The following AK6 variants were observed in gnomAD, a reference collection of about 807,000 sequenced individuals.
AK6 encodes adenylate kinase isoenzyme 6.
In AK6, 24 loss-of-function variants were observed where a neutral mutation model predicts 23.7. That is an observed-to-expected ratio of 1.01 (90% confidence interval 0.73 to 1.43). The LOEUF (loss-of-function observed/expected upper bound fraction) is 1.43, where lower values mean the gene tolerates loss of function less well. Ranked by LOEUF, AK6 falls within the 40% of genes most tolerant of loss-of-function variation. AK6 has a pLI of 0.00. For missense variants in AK6, 191 were observed against 199.1 expected (o/e 0.96, Z 0.24); for synonymous variants, 73 against 69.8 (o/e 1.05, Z -0.23).
intron 2 of AK6, chr5:69,364,691 GACA>G (rs1355100438): frequency 3.3e-5 from 19 of 571,614 alleles, no homozygotes; most frequent in Middle Eastern, 4.7e-4. Context: ...TCCTCTTGGT[GACA>G]ACAAGGAGAA....
Position 69,365,808 on chromosome 5 carries a change from T to C in AK6, c.121+695A>G, listed in dbSNP as rs1762396261. 2.3e-6 allele frequency: 3 copies of C among 1,301,634 alleles called. No homozygotes were observed. The Admixed American group carries it at 7.9e-5, about 34-fold the overall frequency. The allele number at this position is 1,301,634 out of a possible 1,614,324, so 80.6% of individuals were successfully genotyped here. ...ATTAGATCAATCTGAAATAGTTACT[T>C]TAGTAGCAACTGTCAGGAACTTAAA... On this transcript the variant is annotated intron_variant, in intron 2 of 4. Coordinates refer to ENST00000380822, the MANE Select transcript of AK6 (RefSeq NM_016283.5).
rs201119517 is a variant in AK6, at chr5:69,355,641, T to A, written c.326+8A>T. ...TGCTTTAAGAATCTAATGTTTTTCC[T>A]TTCTTACCTTGTTTCAAGTCTTTCG... is the stretch of plus-strand genomic sequence containing the variant. On this transcript the variant is annotated splice_region_variant and intron_variant, in intron 4 of 4. Transcript: ENST00000380822. 3.3e-5 allele frequency: 52 copies of A among 1,584,188 alleles called. No individual in the cohort carries two copies. In the East Asian group the frequency reaches 1.1e-3, roughly 35 times the overall value.
intron 2 of AK6, chr5:69,365,491 A>G: frequency 6.2e-7 from 1 of 1,614,144 alleles, no homozygotes. Context: ...GGAGAGGTAA[A>G]AGACTGATCA....
At chr5:69,358,152 T>TA (rs1486325766) in intron 2 of AK6, among the ~76,000 whole-genome samples, 1 of 152,178 alleles carries the variant, frequency 6.6e-6, no homozygotes, top group Non-Finnish European at 1.5e-5. Flanking sequence ...AGAATACCTA[T>TA]AGCTGATTCT....
In AK6 at chr5:69,369,226, A is replaced by ACCCCCCCC. The variant is rs200123392; in HGVS notation, c.28+229_28+236dup. 9.3e-3 allele frequency: 1,154 copies of ACCCCCCCC among 124,484 alleles called. 153 individuals are homozygous for ACCCCCCCC. The highest frequency in any genetic ancestry group is 0.023 in the South Asian group (141 of 6,234). 7.7% of individuals were successfully genotyped at this position (124,484 alleles called of 1,614,324 possible). On this transcript the variant is annotated intron_variant, in intron 1 of 4. Transcript: ENST00000380822. ...GAGCTGGATCTGCCGACCTCTCTCC[A>ACCCCCCCC]CCCCCCCCCGCCCCCCCCCGGAGCC...
intron 4 of AK6, among the ~76,000 whole-genome samples, chr5:69,352,956 T>C (rs978411669): frequency 1.3e-5 from 2 of 152,250 alleles, no homozygotes; most frequent in South Asian, 4.1e-4. Context: ...AGAATGTTTA[T>C]GGATACAATA....
chr5:69,356,421 G>A (rs1304026817), intron 2 of AK6, among the ~76,000 whole-genome samples: 1 of 151,710 alleles, frequency 6.6e-6, no homozygotes, highest in African/African-American at 2.4e-5. Flanking sequence ...ATACGAGGTA[G>A]GAGGATCTCT....
chr5:69,361,968 C>CTTT (rs1561217524), intron 2 of AK6, among the ~76,000 whole-genome samples: 2 of 144,384 alleles, frequency 1.4e-5, no homozygotes, highest in African/African-American at 5.1e-5. Flanking sequence ...AACTTGATTC[C>CTTT]CTTTTTTTTT....
At chr5:69,366,788 C>T (rs1413758944) in intron 1 of AK6, 193 bp from the exon 2 acceptor site, 2 of 566,930 alleles carry the variant, frequency 3.5e-6, no homozygotes, top group Non-Finnish European at 3.2e-6. Flanking sequence ...GACAGAGTTT[C>T]ACTCTTGTCG....
At chr5:69,365,238 G>C (rs941279213) in intron 2 of AK6, 1 of 1,614,180 alleles carries the variant, frequency 6.2e-7, no homozygotes. Context: ...CATGGTCTGT[G>C]GGGTTGGTGT....
intron 1 of AK6, among the ~76,000 whole-genome samples, chr5:69,368,082 C>A (rs914619461): frequency 6.6e-6 from 1 of 152,160 alleles, no homozygotes; most frequent in Non-Finnish European, 1.5e-5. Flanking sequence ...TGACCCCTTG[C>A]GCCCTTCCCT....
chr5:69,353,025 A>G (rs1761987817), intron 4 of AK6, among the ~76,000 whole-genome samples: 1 of 152,252 alleles, frequency 6.6e-6, no homozygotes, highest in African/African-American at 2.4e-5. Flanking sequence ...AATGTATTTT[A>G]AAAATGATAC....
chr5:69,357,404 C>T (rs762318101), intron 2 of AK6, among the ~76,000 whole-genome samples: 6 of 152,052 alleles, frequency 3.9e-5, no homozygotes, highest in African/African-American at 9.7e-5. Context: ...TACCACAAAC[C>T]CCAGATGGAG....
At chr5:69,355,514 G>T in intron 4 of AK6, 135 bp downstream of exon 4, 1 of 942,136 alleles carries the variant, frequency 1.1e-6, no homozygotes, top group Non-Finnish European at 1.5e-6. Flanking sequence ...CTGGGTGACA[G>T]CGAGACTCTA....
In AK6 at chr5:69,362,301, T is replaced by G. The variant is rs145687116; in HGVS notation, c.121+4202A>C. On this transcript the variant is annotated intron_variant, in intron 2 of 4. Transcript: ENST00000380822. ...CCCCTCCATGTGACAACCCAAAATGTCTTCACACATTGCTATACCCCCAAA... is the reference window on the plus strand; with the variant it reads ...CCCCTCCATGTGACAACCCAAAATGGCTTCACACATTGCTATACCCCCAAA... 9.8e-4 allele frequency among the ~76,000 whole-genome samples: 149 copies of G among 152,194 alleles called. 1 individual carries two copies. The highest frequency in any genetic ancestry group is 3.4e-3 in the African/African-American group (143 of 41,506).
At position 69,365,485 on chromosome 5, in the gene AK6, A is replaced by G; in HGVS notation, c.121+1018T>C. 2.5e-6 allele frequency: 4 copies of G among 1,614,052 alleles called. No homozygotes were observed. The highest frequency in any genetic ancestry group is 3.4e-6 in the Non-Finnish European group (4 of 1,180,006). On this transcript the variant is annotated intron_variant, in intron 2 of 4. Transcript: ENST00000380822. ...AATAAAAAATCTCTTGGGGGAGGAG[A>G]GGTAAAAGACTGATCAGCGCGGCAC...
At chr5:69,367,980 CATA>C (rs1762552525) in intron 1 of AK6, 1 of 152,222 alleles carries the variant, frequency 6.6e-6, no homozygotes, top group Non-Finnish European at 1.5e-5. Context: ...GCCTGGCCAA[CATA>C]ATGAGACTCT....
intron 2 of AK6, among the ~76,000 whole-genome samples, chr5:69,363,055 T>G (rs1190911598): frequency 6.6e-6 from 1 of 152,052 alleles, no homozygotes; most frequent in Non-Finnish European, 1.5e-5. Context: ...AGCCAGACCC[T>G]GTCTCTGCAA....
intron 2 of AK6, chr5:69,365,443 T>C: frequency 6.2e-7 from 1 of 1,614,248 alleles, no homozygotes; most frequent in Non-Finnish European, 8.5e-7. Flanking sequence ...GTTTGATTTC[T>C]TTGCCTTGCA....
Sources: gnomAD v4.1 joint callset for allele counts (sites outside exome capture counted in the v4.1 genomes callset) on GRCh38, gnomAD v4.1.1 for gene constraint, MANE v1.5 for transcripts, NCBI Gene and HGNC (gene_info 2026-07-23, HGNC 2026-07-21) for gene names.